Variants in TENM3 observed in about 807,000 individuals in gnomAD.
TENM3 encodes teneurin transmembrane protein 3.
In TENM3, 63 loss-of-function variants were observed where a neutral mutation model predicts 255.1. The observed-to-expected ratio is 0.25, with a 90% CI of 0.20 to 0.30. The LOEUF is 0.30. Among genes scored for constraint, TENM3 ranks in the 10% least tolerant of loss-of-function variants. The pLI is 1.00. For synonymous variants in TENM3, 1,306 were observed against 1,322.3 expected, an observed-to-expected ratio of 0.99 and a Z score of 0.27; for missense variants, 2,929 against 3,461.1, an observed-to-expected ratio of 0.85 and a Z score of 3.86.
intron 2 of TENM3, among the ~76,000 whole-genome samples, chr4:182,337,887 T>C (rs561917412): frequency 1.3e-5 from 2 of 152,306 alleles, no homozygotes; most frequent in South Asian, 4.1e-4. Context: ...GAGTACATCC[T>C]GTATGACTCC....
At chr4:181,606,411 G>A in the TENM3 span, among the ~76,000 whole-genome samples, 3 of 152,146 alleles carry the variant, frequency 2.0e-5, no homozygotes, top group African/African-American at 7.2e-5. Context: ...CTCTGCAGGT[G>A]TTCTTCTCTT....
At position 182,262,573 on chromosome 4, in the gene TENM3, T is replaced by G. The variant is rs563334282; in HGVS notation, c.-76+19097T>G. ...CAAATGCCATGGCAACGTCAGGAAG[T>G]TATCCCATGGTCTAAAAAGGGGAGG... On this transcript the variant is annotated intron_variant, in intron 1 of 27. Transcript: ENST00000511685. 2.6e-5 allele frequency among the ~76,000 whole-genome samples: 4 copies of G among 152,172 alleles called. No individual in the cohort carries two copies. In the South Asian group the frequency reaches 8.3e-4, roughly 32 times the overall value.
chr4:182,381,084 C>T (rs1767531384), intron 3 of TENM3, among the ~76,000 whole-genome samples: 1 of 152,170 alleles, frequency 6.6e-6, no homozygotes, highest in African/African-American at 2.4e-5. Flanking sequence ...GAGGGGTGTG[C>T]TCTGACCAGG....
intron 3 of TENM3, among the ~76,000 whole-genome samples, chr4:182,600,334 G>A (rs189273449): frequency 1.1e-3 from 161 of 152,284 alleles, no homozygotes; most frequent in African/African-American, 3.1e-3. Flanking sequence ...GCTTCACAGA[G>A]TGACCTTCTG....
At chr4:182,099,593 A>G in the TENM3 span, among the ~76,000 whole-genome samples, 1 of 152,190 alleles carries the variant, frequency 6.6e-6, no homozygotes, top group Admixed American at 6.5e-5. Flanking sequence ...TTGTAAATAA[A>G]GTTGTATTGG....
the TENM3 span, among the ~76,000 whole-genome samples, chr4:181,730,053 C>T: frequency 1.3e-5 from 2 of 152,112 alleles, no homozygotes; most frequent in Admixed American, 1.3e-4. Flanking sequence ...CAAAGCGGGG[C>T]AGGAGAGGTT....
chr4:182,462,431 G>GT (rs1732112453), intron 3 of TENM3, among the ~76,000 whole-genome samples: 1 of 151,292 alleles, frequency 6.6e-6, no homozygotes, highest in Admixed American at 6.6e-5. Flanking sequence ...TTTTCAGATG[G>GT]TAAATCCCAG....
intron 3 of TENM3, among the ~76,000 whole-genome samples, chr4:182,381,945 G>A (rs1286410759): frequency 6.6e-6 from 1 of 152,200 alleles, no homozygotes; most frequent in Non-Finnish European, 1.5e-5. Context: ...CTCATTTTGT[G>A]CTAGGGAGTA....
At chr4:182,417,470 C>T (rs1770472797) in intron 3 of TENM3, among the ~76,000 whole-genome samples, 1 of 152,226 alleles carries the variant, frequency 6.6e-6, no homozygotes, top group East Asian at 1.9e-4. Flanking sequence ...CCTTGTATGA[C>T]ATGCTTTTTC....
the TENM3 span, among the ~76,000 whole-genome samples, chr4:182,096,020 C>T: frequency 1.3e-5 from 2 of 151,476 alleles, no homozygotes; most frequent in African/African-American, 2.4e-5. Flanking sequence ...GTCCCAGCTA[C>T]TTGGGAGGCT....
chr4:182,096,521 T>C, the TENM3 span, among the ~76,000 whole-genome samples: 2 of 152,202 alleles, frequency 1.3e-5, no homozygotes, highest in African/African-American at 2.4e-5. Flanking sequence ...TATTTTTGCA[T>C]CCACAAATGA....
chr4:182,549,085 G>A (rs1407009164), intron 3 of TENM3, among the ~76,000 whole-genome samples: 4 of 152,166 alleles, frequency 2.6e-5, no homozygotes, highest in African/African-American at 9.7e-5. Context: ...GAATTTTAAA[G>A]TCGGCTCCAG....
intron 3 of TENM3, among the ~76,000 whole-genome samples, chr4:182,408,175 CT>C (rs991890646): frequency 6.6e-6 from 1 of 152,134 alleles, no homozygotes; most frequent in South Asian, 2.1e-4. Context: ...GGGAGTTTTC[CT>C]TTTTAGGTTC....
intron 1 of TENM3, among the ~76,000 whole-genome samples, chr4:182,268,547 G>A (rs1332714136): frequency 6.6e-6 from 1 of 152,146 alleles, no homozygotes; most frequent in Non-Finnish European, 1.5e-5. Flanking sequence ...CTACTGGGCT[G>A]CATTCCCAGA....
At chr4:182,525,651 G>A (rs6552566) in intron 3 of TENM3, among the ~76,000 whole-genome samples, 45,670 of 152,136 alleles carry the variant, frequency 0.3, 7,519 homozygotes, top group Non-Finnish European at 0.36. Flanking sequence ...ACGTTTGGGA[G>A]TTGTAGTAAG....
the TENM3 span, among the ~76,000 whole-genome samples, chr4:181,685,513 T>G: frequency 6.6e-6 from 1 of 152,214 alleles, no homozygotes; most frequent in Admixed American, 6.5e-5. Context: ...TAGGCAGGTT[T>G]ACAATTTTAT....
chr4:182,290,914 G>A (rs7698943), intron 1 of TENM3, among the ~76,000 whole-genome samples: 33,443 of 151,808 alleles, frequency 0.22, 4,190 homozygotes, highest in African/African-American at 0.33. Context: ...TCCATTTCCC[G>A]GGTTCAAGAC....
At position 182,736,503 on chromosome 4, in the gene TENM3, G is replaced by T. The variant is rs182308017; in HGVS notation, c.2968-305G>T. Among the ~76,000 whole-genome samples, 5 of 152,326 alleles carry T rather than the reference G, an allele frequency of 3.3e-5. No individual in the cohort carries two copies. The East Asian group carries it at 9.6e-4, about 29-fold the overall frequency. On this transcript the variant is annotated intron_variant, in intron 16 of 27. Transcript: ENST00000511685. Reference sequence around the variant, plus strand: ...TCCCGTATGAAGAGTAGCACCCGAGGTATGATTAACTCAGAATAAATGACA... The same window carrying T: ...TCCCGTATGAAGAGTAGCACCCGAGTTATGATTAACTCAGAATAAATGACA...
chr4:182,721,571 T>A (rs1461163007), intron 13 of TENM3, among the ~76,000 whole-genome samples: 2 of 152,190 alleles, frequency 1.3e-5, no homozygotes, highest in African/African-American at 4.8e-5. Flanking sequence ...TGCATATGAA[T>A]CTTTGTGTAA....
Sources: allele counts gnomAD v4.1 joint callset (sites outside exome capture counted in the v4.1 genomes callset), GRCh38; gene constraint gnomAD v4.1.1; transcripts MANE v1.5; gene names NCBI Gene and HGNC (gene_info 2026-07-23, HGNC 2026-07-21).